GPR155: variants seen among roughly 807,000 people sequenced by gnomAD.
GPR155 encodes G protein-coupled receptor 155.
In GPR155, 65 loss-of-function variants were observed where a neutral mutation model predicts 93.1. The ratio of observed to expected loss-of-function variants is 0.70; its 90% CI spans 0.57 to 0.86. The LOEUF is 0.86. Ranked by LOEUF, GPR155 falls within the 40% of genes least tolerant of loss-of-function variation. The probability of loss-of-function intolerance (pLI) is 0.00; values close to 1 mark genes in which losing one functional copy is unlikely to be tolerated. For missense variants in GPR155, 838 were observed against 1,034.8 expected, an observed-to-expected ratio of 0.81 and a Z score of 2.61; for synonymous variants, 319 against 360.1, an observed-to-expected ratio of 0.89 and a Z score of 1.29.
chr2:174,431,574 C>A lies in GPR155; in HGVS notation c.*4542G>T, dbSNP rs1405532574. 2 of 152,112 alleles carry A rather than the reference C, an allele frequency of 1.3e-5. No individual in the cohort carries two copies. Among genetic ancestry groups the A allele is most frequent in the Non-Finnish European group, 2.9e-5 (2 of 68,000 alleles). The allele number at this position is 152,112 out of a possible 1,614,324, so 9.4% of individuals were successfully genotyped here. ...TCTACAGAGCTAATGTTTTCTTTTTCATTAATTATTTCAACCTTTTATCAT... is the reference window on the plus strand; with the variant it reads ...TCTACAGAGCTAATGTTTTCTTTTTAATTAATTATTTCAACCTTTTATCAT... On this transcript the variant is annotated 3_prime_UTR_variant, in exon 16 of 16. Transcript: ENST00000392552.
chr2:174,456,002 T>C (rs917392429), intron 10 of GPR155, among the ~76,000 whole-genome samples: 2 of 151,884 alleles, frequency 1.3e-5, no homozygotes, highest in Non-Finnish European at 2.9e-5. Flanking sequence ...CACCACAGCC[T>C]GGCAAATTCT....
In GPR155 at chr2:174,441,782, G is replaced by A. The variant is rs181267044; in HGVS notation, c.2174+337C>T. ...GTGTGTGACAGGATCTTGCTCTGTC[G>A]CCCAGGCTGGAGTGCAGTGGCACAA... On this transcript the variant is annotated intron_variant, in intron 14 of 15. Coordinates refer to ENST00000392552, the MANE Select transcript of GPR155 (RefSeq NM_152529.7). Among the ~76,000 whole-genome samples the A allele has an allele frequency of 1.8e-4, 27 of 151,436 alleles. No individual in the cohort carries two copies. The East Asian group carries it at 3.3e-3, about 18-fold the overall frequency.
chr2:174,473,555 G>T (rs1472934127), intron 2 of GPR155, among the ~76,000 whole-genome samples, 191 bp from the exon 3 acceptor site: 1 of 152,064 alleles, frequency 6.6e-6, no homozygotes, highest in African/African-American at 2.4e-5. Flanking sequence ...ATATCATATA[G>T]CTTATAAAAT....
At chr2:174,456,119 G>T (rs1353657181) in intron 10 of GPR155, among the ~76,000 whole-genome samples, 3 of 152,126 alleles carry the variant, frequency 2.0e-5, no homozygotes, top group African/African-American at 7.2e-5. Flanking sequence ...TGGGATTACA[G>T]GTGTGAGCCA....
At chr2:174,445,019 C>T in intron 13 of GPR155, 62 bp downstream of exon 13, 1 of 806,102 alleles carries the variant, frequency 1.2e-6, no homozygotes, top group Non-Finnish European at 2.2e-6. Context: ...TTCCCCCGAC[C>T]CCCTACCAAT....
Position 174,442,112 on chromosome 2 carries a change from A to T in GPR155, c.2174+7T>A, listed in dbSNP as rs183340085. ...CAGATACAGATTTATTTCAAAACTT[A>T]ATTTACCTTCTTTTGAAAGGCAGGA... On this transcript the variant is annotated splice_region_variant and intron_variant, in intron 14 of 15. Coordinates refer to ENST00000392552, the MANE Select transcript of GPR155 (RefSeq NM_152529.7). The T allele has an allele frequency of 1.6e-6, 2 of 1,272,066 alleles. No homozygotes were observed. The highest frequency in any genetic ancestry group is 1.7e-5 in the Admixed American group (1 of 59,002). The allele number at this position is 1,272,066 out of a possible 1,614,324, so 78.8% of individuals were successfully genotyped here. A position where few individuals can be genotyped will look rare whatever the true frequency, so the allele number is the denominator to read the frequency against.
chr2:174,460,230 G>T, intron 9 of GPR155, 142 bp from the exon 10 acceptor site: 1 of 561,024 alleles, frequency 1.8e-6, no homozygotes, highest in South Asian at 2.1e-5. Context: ...ACACAATCTC[G>T]GCTCACTGCA....
rs1688317930 is a variant in GPR155 at position 174,481,500 on chromosome 2, T to C, written c.457A>G (p.Ile153Val). 6.4e-7 allele frequency: 1 copy of C among 1,560,112 alleles called. No homozygotes were observed. The highest frequency in any genetic ancestry group is 8.7e-7 in the Non-Finnish European group (1 of 1,143,418). Residue 153 changes from isoleucine to valine, a missense_variant, in exon 2 of 16, where the codon ATA becomes GTA. Transcript: ENST00000392552. Reference sequence around the variant, plus strand: ...TGAAAAATAAAAATTAACTTACCTATAGGGTATCCCAATGCAAAGTCATTA... The same window carrying C: ...TGAAAAATAAAAATTAACTTACCTACAGGGTATCCCAATGCAAAGTCATTA... ...QSNDFALGYP[I>V]VEALYQTTYP...
chr2:174,483,551 T>C (rs865961513), intron 1 of GPR155, among the ~76,000 whole-genome samples: 38 of 151,110 alleles, frequency 2.5e-4, no homozygotes, highest in Admixed American at 5.9e-4. Context: ...CTTTTATTAG[T>C]ATCTTGAAAT....
At position 174,465,859 on chromosome 2, in the gene GPR155, TC is replaced by T; in HGVS notation, c.1309del (p.Glu437LysfsTer28). 1 of 1,605,186 alleles carries T rather than the reference TC, an allele frequency of 6.2e-7. No individual in the cohort carries two copies. The highest frequency in any genetic ancestry group is 8.5e-7 in the Non-Finnish European group (1 of 1,172,854). ...CAAAATTTGTCCAACAAAATTTTTT[TC>T]TTTAACAAAATTCCATATCATCATT... is the stretch of plus-strand genomic sequence containing the variant. ...AGMMIWNFVK[E>X]KNFVGQILVF... On this transcript the variant is annotated frameshift_variant, in exon 7 of 16. Coordinates refer to ENST00000392552, the MANE Select transcript of GPR155 (RefSeq NM_152529.7). LOFTEE classifies it high-confidence loss of function.
chr2:174,458,872 G>A (rs1326462113), intron 10 of GPR155, among the ~76,000 whole-genome samples: 1 of 152,090 alleles, frequency 6.6e-6, no homozygotes, highest in African/African-American at 2.4e-5. Context: ...TGGATCACCT[G>A]AGGTCAGGAG....
intron 2 of GPR155, among the ~76,000 whole-genome samples, chr2:174,480,999 G>T (rs62175272): frequency 6.6e-6 from 1 of 151,880 alleles, no homozygotes; most frequent in African/African-American, 2.4e-5. Flanking sequence ...GGCTGGTCTC[G>T]AACTCCTAGG....
At chr2:174,468,079 G>A (rs559791259) in intron 5 of GPR155, among the ~76,000 whole-genome samples, 14 of 152,242 alleles carry the variant, frequency 9.2e-5, no homozygotes, top group Admixed American at 6.5e-4. Context: ...TTCTACCTAC[G>A]TATTGGCCAG....
chr2:174,485,196 C>T (rs1020465031), intron 1 of GPR155, among the ~76,000 whole-genome samples: 3 of 152,086 alleles, frequency 2.0e-5, no homozygotes, highest in Non-Finnish European at 2.9e-5. Flanking sequence ...AAATGGTTAA[C>T]AGTGAAGGCA....
rs201833095 is a variant in GPR155 at position 174,436,350 on chromosome 2, G to A, written c.2379C>T (p.Val793=). The A allele has an allele frequency of 2.2e-4, 355 of 1,614,172 alleles. 4 individuals are homozygous for A. The East Asian group carries it at 7.6e-3, about 35-fold the overall frequency. ...CTTCACCACGGTCGGAGGCAAGGCC[G>A]ACTTCAATTAGCCAGCTCACCAGGT... ...GCDLVSWLIE[V]GLASDRGEAV... The change falls in exon 16 of 16, where the codon GTC becomes GTT. Residue 793 remains valine, a synonymous_variant. Transcript: ENST00000392552.
chr2:174,449,108 T>C (rs1687243309), intron 11 of GPR155, among the ~76,000 whole-genome samples: 1 of 152,064 alleles, frequency 6.6e-6, no homozygotes, highest in African/African-American at 2.4e-5. Flanking sequence ...AAAGAAGACA[T>C]ACAAGCGGCC....
At chr2:174,439,112 G>A (rs1686877145) in intron 15 of GPR155, among the ~76,000 whole-genome samples, 2 of 152,062 alleles carry the variant, frequency 1.3e-5, no homozygotes, top group Admixed American at 1.3e-4. Flanking sequence ...CTCCGTACCA[G>A]GCTACCTTCT....
intron 2 of GPR155, among the ~76,000 whole-genome samples, chr2:174,478,848 C>A (rs1375027497): frequency 6.6e-6 from 1 of 151,948 alleles, no homozygotes; most frequent in Non-Finnish European, 1.5e-5. Context: ...GGACAGTATT[C>A]TTTCTCTGTT....
chr2:174,482,018 G>T, intron 1 of GPR155, 31 bp from the exon 2 acceptor site: 2 of 1,117,686 alleles, frequency 1.8e-6, no homozygotes, highest in Non-Finnish European at 2.6e-6. Flanking sequence ...ATTCAGTATG[G>T]CCATCAACAA....
Sources: allele counts gnomAD v4.1 joint callset (sites outside exome capture counted in the v4.1 genomes callset), GRCh38; gene constraint gnomAD v4.1.1; transcripts MANE v1.5; gene names NCBI Gene and HGNC (gene_info 2026-07-23, HGNC 2026-07-21).